HOATZ: variants seen among roughly 807,000 people sequenced by gnomAD.
The protein encoded by HOATZ is HOATZ cilia and flagella associated protein.
In HOATZ, 26 loss-of-function variants were observed where a neutral mutation model predicts 24.9. The observed-to-expected ratio is 1.04, with a 90% CI of 0.76 to 1.45. The LOEUF (loss-of-function observed/expected upper bound fraction) is 1.45, where lower values mean the gene tolerates loss of function less well. HOATZ is among the 40% of genes most tolerant of loss of function. HOATZ has a pLI of 0.00. For missense variants in HOATZ, 226 were observed against 201.5 expected (o/e 1.12, Z -0.74); for synonymous variants, 83 against 76.6 (o/e 1.08, Z -0.43).
intron 3 of HOATZ, among the ~76,000 whole-genome samples, chr11:111,520,304 G>A (rs1297097066): frequency 1.3e-5 from 2 of 152,148 alleles, no homozygotes; most frequent in African/African-American, 4.8e-5. Context: ...TCATTTGCTG[G>A]GAGAAGGAAG....
chr11:111,516,713 T>C (rs1867208828), intron 3 of HOATZ, among the ~76,000 whole-genome samples: 1 of 151,942 alleles, frequency 6.6e-6, no homozygotes, highest in Admixed American at 6.6e-5. Context: ...TGAGACACAG[T>C]CTTAAAAAAA....
chr11:111,524,614 A>G (rs1042397740), intron 3 of HOATZ, among the ~76,000 whole-genome samples: 8 of 152,226 alleles, frequency 5.3e-5, no homozygotes, highest in Non-Finnish European at 1.2e-4. Flanking sequence ...GCAAAGTCCT[A>G]GAAGTATATA....
At chr11:111,516,745 C>A (rs1867209748) in intron 3 of HOATZ, among the ~76,000 whole-genome samples, 3 of 151,980 alleles carry the variant, frequency 2.0e-5, no homozygotes, top group Admixed American at 2.0e-4. Context: ...CAGGAAAAAT[C>A]AAATAGAATT....
In HOATZ at chr11:111,536,868, C is replaced by G; in HGVS notation, c.*41C>G. 6.6e-7 allele frequency: 1 copy of G among 1,509,614 alleles called. No homozygotes were observed. Among genetic ancestry groups the G allele is most frequent in the Middle Eastern group, 1.7e-4 (1 of 5,886 alleles). 93.5% of individuals were successfully genotyped at this position (1,509,614 alleles called of 1,614,324 possible). A position where few individuals can be genotyped will look rare whatever the true frequency, so the allele number is the denominator to read the frequency against. Reference sequence around the variant, plus strand: ...GCAGAGGATGGCTCACTTATACCTTCACTTTGGAAACAACCTTCTCTTAGA... The same window carrying G: ...GCAGAGGATGGCTCACTTATACCTTGACTTTGGAAACAACCTTCTCTTAGA... On this transcript the variant is annotated 3_prime_UTR_variant, in exon 6 of 6. Transcript: ENST00000375618.
intron 3 of HOATZ, chr11:111,518,904 C>T (rs1220374555): frequency 2.5e-6 from 1 of 398,532 alleles, no homozygotes; most frequent in African/African-American, 2.0e-5. Context: ...GAATAGATCT[C>T]TTCTCTGTGC....
At chr11:111,525,006 C>G (rs1397412167) in intron 3 of HOATZ, 3 of 372,596 alleles carry the variant, frequency 8.1e-6, no homozygotes, top group Non-Finnish European at 1.6e-5. Context: ...GTTTCTGGGA[C>G]TACAGGTGCA....
chr11:111,515,924 T>C, intron 2 of HOATZ, 116 bp from the exon 3 acceptor site: 1 of 660,686 alleles, frequency 1.5e-6, no homozygotes, highest in Admixed American at 3.1e-5. Context: ...ACATGTATTT[T>C]TGTTTACCTT....
chr11:111,514,847 G>A lies in HOATZ; in HGVS notation c.63G>A (p.Pro21=), dbSNP rs766557666. ...GRKESQEMCP[P]GLLVFAGSSE... is the part of the protein sequence containing the mutation. ...AAGAGTCCCAGGAAATGTGCCCCCC[G>A]GGATTACTGGTATTTGCTGGCTCCT... is the stretch of plus-strand genomic sequence containing the variant. The change falls in exon 1 of 6, where the codon CCG becomes CCA. Residue 21 remains proline, a synonymous_variant. Coordinates refer to ENST00000375618, the MANE Select transcript of HOATZ (RefSeq NM_001100388.2). The A allele has an allele frequency of 5.0e-6, 8 of 1,614,148 alleles. No individual in the cohort carries two copies. The Admixed American group carries it at 1.0e-4, about 20-fold the overall frequency.
intron 3 of HOATZ, among the ~76,000 whole-genome samples, chr11:111,522,115 T>C (rs1867276412): frequency 6.6e-6 from 1 of 152,232 alleles, no homozygotes; most frequent in Non-Finnish European, 1.5e-5. Context: ...GTGTATTATA[T>C]CTTCTATACA....
chr11:111,525,524 G>C (rs1258478693), intron 3 of HOATZ, among the ~76,000 whole-genome samples: 1 of 152,198 alleles, frequency 6.6e-6, no homozygotes, highest in African/African-American at 2.4e-5. Context: ...ATGGAGCCAA[G>C]CTGAACTCTA....
chr11:111,519,632 T>C (rs962420249), intron 3 of HOATZ, among the ~76,000 whole-genome samples: 1 of 152,202 alleles, frequency 6.6e-6, no homozygotes. Flanking sequence ...TTCTAGAATT[T>C]TTAGCTTGAT....
chr11:111,525,376 T>C (rs1867326670), intron 3 of HOATZ, among the ~76,000 whole-genome samples: 1 of 152,220 alleles, frequency 6.6e-6, no homozygotes, highest in African/African-American at 2.4e-5. Context: ...TTGCATTCTC[T>C]GGAGTTTCTG....
intron 3 of HOATZ, among the ~76,000 whole-genome samples, chr11:111,527,878 G>A (rs2135779953): frequency 6.6e-6 from 1 of 152,290 alleles, no homozygotes; most frequent in African/African-American, 2.4e-5. Flanking sequence ...AAAACCTTAA[G>A]TCAATCATAA....
chr11:111,520,658 C>T lies in HOATZ; in HGVS notation c.339+4548C>T, dbSNP rs559865203. Among the ~76,000 whole-genome samples the T allele has an allele frequency of 2.6e-5, 4 of 152,242 alleles. No individual in the cohort carries two copies. The South Asian group carries it at 8.3e-4, about 32-fold the overall frequency. On this transcript the variant is annotated intron_variant, in intron 3 of 5. Transcript: ENST00000375618. ...CTTGGTTTCAGCTACCTGCAGTCAA[C>T]CATGATTCAAAAATATTAAATAAAA...
intron 3 of HOATZ, among the ~76,000 whole-genome samples, chr11:111,522,614 C>T (rs918573339): frequency 2.6e-5 from 4 of 152,190 alleles, no homozygotes; most frequent in Admixed American, 1.3e-4. Context: ...AAGAAAGCCT[C>T]AGAGCCTGAC....
intron 3 of HOATZ, among the ~76,000 whole-genome samples, chr11:111,527,675 G>A (rs1039185764): frequency 6.6e-6 from 1 of 152,162 alleles, no homozygotes; most frequent in Non-Finnish European, 1.5e-5. Context: ...TATTAGAGTA[G>A]ATATAAATTT....
chr11:111,534,330 A>C, intron 4 of HOATZ, 82 bp from the exon 5 acceptor site: 2 of 996,358 alleles, frequency 2.0e-6, no homozygotes, highest in African/African-American at 3.2e-5. Context: ...ATTTTACCTC[A>C]GCTTTTTTTC....
At chr11:111,535,040 AT>A (rs1436116640) in intron 5 of HOATZ, 1 of 152,202 alleles carries the variant, frequency 6.6e-6, no homozygotes, top group Non-Finnish European at 1.5e-5. Flanking sequence ...CCGTTTTTGT[AT>A]TATGACTAAA....
intron 3 of HOATZ, chr11:111,525,019 C>CT (rs1179992888): frequency 2.9e-6 from 1 of 345,896 alleles, no homozygotes; most frequent in Non-Finnish European, 5.6e-6. Context: ...CAGGTGCACA[C>CT]CATCACATCC....
Sources: allele counts gnomAD v4.1 joint callset (sites outside exome capture counted in the v4.1 genomes callset), GRCh38; gene constraint gnomAD v4.1.1; transcripts MANE v1.5; gene names NCBI Gene and HGNC (gene_info 2026-07-23, HGNC 2026-07-21).